The following TNS3 variants were observed in gnomAD, a reference collection of about 807,000 sequenced individuals.
TNS3 encodes tensin 3.
In TNS3, 45 loss-of-function variants were observed where a neutral mutation model predicts 140.9. The ratio of observed to expected loss-of-function variants is 0.32; its 90% confidence interval spans 0.25 to 0.41. TNS3 has a LOEUF of 0.41. Ranked by LOEUF, TNS3 falls within the 10% of genes least tolerant of loss-of-function variation. The probability of loss-of-function intolerance (pLI) is 1.00; values close to 1 mark genes in which losing one functional copy is unlikely to be tolerated. For synonymous variants in TNS3, 815 were observed against 788.4 expected, an observed-to-expected ratio of 1.03 and a Z score of -0.56; for missense variants, 1,716 against 1,906.7, an observed-to-expected ratio of 0.90 and a Z score of 1.86.
chr7:47,482,004 G>A (rs1196665299), intron 3 of TNS3, among the ~76,000 whole-genome samples: 1 of 152,210 alleles, frequency 6.6e-6, no homozygotes, highest in East Asian at 1.9e-4. Context: ...AGTGGCACAG[G>A]GCAGGGGCTA....
intron 4 of TNS3, among the ~76,000 whole-genome samples, chr7:47,444,079 C>T (rs77422904): frequency 0.05 from 7,666 of 152,302 alleles, 237 homozygotes; most frequent in Non-Finnish European, 0.071. Flanking sequence ...ATTCAAGCAG[C>T]TCAGATGCAA....
chr7:47,569,460 C>T (rs573326994), intron 1 of TNS3, among the ~76,000 whole-genome samples: 1 of 152,192 alleles, frequency 6.6e-6, no homozygotes, highest in East Asian at 1.9e-4. Context: ...AGGAGAATTG[C>T]TCGAACCAGG....
chr7:47,553,660 T>A (rs1800118564), intron 1 of TNS3, among the ~76,000 whole-genome samples: 2 of 152,242 alleles, frequency 1.3e-5, no homozygotes, highest in Admixed American at 6.5e-5. Flanking sequence ...TTACTACCTG[T>A]TGACAATGCA....
At chr7:47,530,372 C>T (rs1799347920) in intron 1 of TNS3, among the ~76,000 whole-genome samples, 1 of 152,106 alleles carries the variant, frequency 6.6e-6, no homozygotes, top group Non-Finnish European at 1.5e-5. Flanking sequence ...AACAAATAAA[C>T]AAGCATCAGT....
At chr7:47,509,801 C>T (rs190600848) in intron 2 of TNS3, among the ~76,000 whole-genome samples, 4 of 152,204 alleles carry the variant, frequency 2.6e-5, no homozygotes, top group South Asian at 4.2e-4. Flanking sequence ...CAGCTGCCTC[C>T]GTTCCTGAGT....
At chr7:47,419,791 C>T (rs903046798) in intron 10 of TNS3, among the ~76,000 whole-genome samples, 1 of 152,134 alleles carries the variant, frequency 6.6e-6, no homozygotes, top group African/African-American at 2.4e-5. Flanking sequence ...TGTTCTCTGG[C>T]CCCACCCAGA....
At chr7:47,581,615 G>A (rs1469888847) in intron 1 of TNS3, 1 of 152,112 alleles carries the variant, frequency 6.6e-6, no homozygotes, top group Non-Finnish European at 1.5e-5. Context: ...CGGGCGCCAC[G>A]GGTCCCACTC....
At chr7:47,370,179 G>A (rs913892459) in intron 16 of TNS3, among the ~76,000 whole-genome samples, 2 of 152,092 alleles carry the variant, frequency 1.3e-5, no homozygotes, top group African/African-American at 4.8e-5. Flanking sequence ...GGGAGGCTGA[G>A]TCAGGAGAAT....
At chr7:47,376,756 A>ACACACACACACACACACACAC (rs1554305218) in intron 16 of TNS3, among the ~76,000 whole-genome samples, 1 of 39,612 alleles carries the variant, frequency 2.5e-5, no homozygotes, top group Non-Finnish European at 8.2e-5. Flanking sequence ...CACACACACA[A>ACACACACACACACACACACAC]ACTCATATAC....
chr7:47,445,355 A>G (rs1380721460), intron 4 of TNS3, among the ~76,000 whole-genome samples: 1 of 152,168 alleles, frequency 6.6e-6, no homozygotes, highest in East Asian at 1.9e-4. Context: ...TACATGTTAC[A>G]GGTTGGTAAC....
chr7:47,431,079 T>C (rs141172583), intron 8 of TNS3, among the ~76,000 whole-genome samples: 2,175 of 152,168 alleles, frequency 0.014, 50 homozygotes, highest in African/African-American at 0.05. Flanking sequence ...ACAGGAAGAA[T>C]CTTGGAAAAT....
At chr7:47,366,607 C>T (rs1391508245) in intron 17 of TNS3, among the ~76,000 whole-genome samples, 3 of 152,200 alleles carry the variant, frequency 2.0e-5, no homozygotes, top group African/African-American at 4.8e-5. Flanking sequence ...TGTGCTCCTT[C>T]GCCCAGGCCA....
At position 47,369,417 on chromosome 7, in the gene TNS3, G is replaced by C; in HGVS notation, c.1229C>G (p.Ala410Gly). 1 of 1,614,122 alleles carries C rather than the reference G, an allele frequency of 6.2e-7. No homozygotes were observed. The highest frequency in any genetic ancestry group is 8.5e-7 in the Non-Finnish European group (1 of 1,180,024). The change falls in exon 17 of 31, where the codon GCC (alanine) becomes GGC (glycine). Residue 410 changes from alanine to glycine, a missense_variant. Ala to Gly is a moderately conservative substitution (Grantham distance 60). Around this residue, in one of 3 missense-constraint regions of TNS3, gnomAD observed 1,163 missense variants for 1,182.1 expected, o/e 0.98. Transcript: ENST00000311160. ...ARTDKTEERL[A>G]PGTRRGLSAQ... is the part of the protein sequence containing the mutation. ...ACTCAGGCCCCTCCTGGTTCCTGGGGCCAGGCGCTCTTCCGTCTTATCCGT... is the reference window on the plus strand; with the variant it reads ...ACTCAGGCCCCTCCTGGTTCCTGGGCCCAGGCGCTCTTCCGTCTTATCCGT...
intron 20 of TNS3, among the ~76,000 whole-genome samples, chr7:47,314,118 A>G (rs1195606615): frequency 6.6e-6 from 1 of 152,202 alleles, no homozygotes; most frequent in Non-Finnish European, 1.5e-5. Context: ...GCTCAATGCC[A>G]CAGCAATTAA....
intron 3 of TNS3, among the ~76,000 whole-genome samples, chr7:47,498,039 A>C (rs1286620992): frequency 6.6e-6 from 1 of 152,182 alleles, no homozygotes; most frequent in Admixed American, 6.5e-5. Context: ...AACATCCCGC[A>C]GGGTGGAGGT....
rs75437116 is a variant in TNS3, at chr7:47,580,480, T to C, written c.-265+1571A>G. On this transcript the variant is annotated intron_variant, in intron 1 of 30. Transcript: ENST00000311160. ...GGTCAGGAGTCGGGCTTGCTGCCAG[T>C]TCCTCCTGTCAATTCCCTGTGTACA... Among the ~76,000 whole-genome samples, 29 of 152,184 alleles carry C rather than the reference T, an allele frequency of 1.9e-4. 1 individual carries two copies. The East Asian group carries it at 2.7e-3, about 14-fold the overall frequency.
intron 4 of TNS3, among the ~76,000 whole-genome samples, chr7:47,462,821 G>A (rs901242369): frequency 2.0e-5 from 3 of 152,132 alleles, no homozygotes; most frequent in African/African-American, 7.2e-5. Flanking sequence ...TCCCCGCTGT[G>A]CCTCTCTTCT....
At chr7:47,345,600 G>A (rs1053740909) in intron 18 of TNS3, among the ~76,000 whole-genome samples, 3 of 152,062 alleles carry the variant, frequency 2.0e-5, no homozygotes, top group Admixed American at 1.3e-4. Context: ...ATAATTAATC[G>A]TTTTGGATAC....
intron 3 of TNS3, among the ~76,000 whole-genome samples, chr7:47,495,547 A>G (rs1158423173): frequency 2.0e-5 from 3 of 152,116 alleles, no homozygotes; most frequent in African/African-American, 4.8e-5. Context: ...CGGGCTTCCA[A>G]CACCTCTCCC....
Sources: gnomAD v4.1 joint callset for allele counts (sites outside exome capture counted in the v4.1 genomes callset) on GRCh38, gnomAD v4.1.1 for gene constraint, gnomAD v4.1.1 regional missense constraint, MANE v1.5 for transcripts, NCBI Gene and HGNC (gene_info 2026-07-23, HGNC 2026-07-21) for gene names.